CDH12: variants seen among roughly 807,000 people sequenced by gnomAD.
The protein encoded by CDH12 is cadherin 12.
Under a neutral mutation model 74.1 loss-of-function variants are expected in CDH12, and 41 were observed. The observed-to-expected ratio is 0.55, with a 90% CI of 0.43 to 0.72. The LOEUF is 0.72. Ranked by LOEUF, CDH12 falls within the 30% of genes least tolerant of loss-of-function variation. CDH12 has a pLI of 0.00. For synonymous variants in CDH12, 399 were observed against 355.0 expected (o/e 1.12, Z -1.39); for missense variants, 945 against 977.2 (o/e 0.97, Z 0.44).
chr5:22,450,589 T>C (rs1745003852), intron 2 of CDH12, among the ~76,000 whole-genome samples: 1 of 151,956 alleles, frequency 6.6e-6, no homozygotes, highest in Admixed American at 6.6e-5. Context: ...ATCTTGCACT[T>C]GGACTACTAC....
At chr5:22,795,574 T>G (rs1217990127) in intron 1 of CDH12, among the ~76,000 whole-genome samples, 1 of 149,216 alleles carries the variant, frequency 6.7e-6, no homozygotes, top group Non-Finnish European at 1.5e-5. Flanking sequence ...TACACATATA[T>G]AATATATACA....
chr5:22,337,423 C>T (rs187959709), intron 3 of CDH12, among the ~76,000 whole-genome samples: 192 of 152,256 alleles, frequency 1.3e-3, no homozygotes, highest in African/African-American at 3.9e-3. Context: ...CAAATCTCAT[C>T]TTATAGCTCC....
At chr5:22,409,886 T>C (rs2126469857) in intron 2 of CDH12, among the ~76,000 whole-genome samples, 1 of 152,170 alleles carries the variant, frequency 6.6e-6, no homozygotes, top group Admixed American at 6.6e-5. Context: ...TCTGGATCAA[T>C]TAGTGTTATT....
intron 1 of CDH12, among the ~76,000 whole-genome samples, chr5:22,676,912 G>A (rs538720648): frequency 1.3e-5 from 2 of 152,110 alleles, no homozygotes; most frequent in Admixed American, 6.6e-5. Flanking sequence ...CTCATTGAGA[G>A]ACTAGACTGC....
chr5:22,124,316 G>A (rs1197707538), intron 4 of CDH12, among the ~76,000 whole-genome samples: 1 of 152,062 alleles, frequency 6.6e-6, no homozygotes, highest in East Asian at 1.9e-4. Flanking sequence ...GTGGAAACAC[G>A]GTTTCAGCGT....
intron 1 of CDH12, among the ~76,000 whole-genome samples, chr5:22,530,059 T>G (rs557334963): frequency 1.5e-4 from 23 of 152,306 alleles, no homozygotes; most frequent in African/African-American, 5.5e-4. Flanking sequence ...AATTTTAAAT[T>G]TTTTCATTCC....
intron 6 of CDH12, among the ~76,000 whole-genome samples, chr5:21,973,999 T>G (rs1451234858): frequency 5.3e-5 from 8 of 151,744 alleles, no homozygotes; most frequent in African/African-American, 1.9e-4. Flanking sequence ...ATTTCTTAGG[T>G]CAAGGAGAGA....
intron 4 of CDH12, among the ~76,000 whole-genome samples, chr5:22,154,592 C>CAT (rs369274295): frequency 3.3e-4 from 49 of 148,810 alleles, no homozygotes; most frequent in African/African-American, 9.0e-4. Context: ...TATGTGTACA[C>CAT]ATATATATAC....
rs566348704 is a variant in CDH12, at chr5:22,105,544, A to G, written c.-186-26682T>C. Reference sequence around the variant, plus strand: ...GAAACCCTGTCTCTACTAAAAATACAAAACTTAGCCAGGTGTGGTGTTCTG... The same window carrying G: ...GAAACCCTGTCTCTACTAAAAATACGAAACTTAGCCAGGTGTGGTGTTCTG... On this transcript the variant is annotated intron_variant, in intron 4 of 14. Transcript: ENST00000382254. Among the ~76,000 whole-genome samples the G allele has an allele frequency of 2.0e-5, 3 of 151,646 alleles. No individual in the cohort carries two copies. The South Asian group carries it at 6.3e-4, about 32-fold the overall frequency.
At chr5:21,980,945 C>T (rs956369079) in intron 5 of CDH12, among the ~76,000 whole-genome samples, 4 of 152,058 alleles carry the variant, frequency 2.6e-5, no homozygotes, top group South Asian at 2.1e-4. Flanking sequence ...AATTAAATTG[C>T]TAAATATCAT....
chr5:21,880,081 T>C (rs898768970), intron 6 of CDH12, among the ~76,000 whole-genome samples: 8 of 152,220 alleles, frequency 5.3e-5, no homozygotes, highest in Non-Finnish European at 8.8e-5. Flanking sequence ...CCACAATGCT[T>C]GCTGGGACTC....
chr5:21,991,517 G>A (rs1757749573), intron 5 of CDH12, among the ~76,000 whole-genome samples: 1 of 1,800 alleles, frequency 5.6e-4, no homozygotes, highest in Admixed American at 6.1e-3. Context: ...ATATATGTTT[G>A]TTATATATAT....
chr5:22,086,325 ATATT>A (rs891053640), intron 4 of CDH12, among the ~76,000 whole-genome samples: 4 of 150,806 alleles, frequency 2.7e-5, no homozygotes, highest in Non-Finnish European at 4.4e-5. Context: ...TTTTATTTAT[ATATT>A]TATTTATTTA....
Position 21,802,245 on chromosome 5 carries a change from A to T in CDH12, c.1178T>A (p.Val393Asp). ...GGTCCCTACCGGAGTGTCTTCATAA[A>T]CCTCCATGGTGTAGAGCGGCTTGCT... ...VFSKPLYTME[V>D]YEDTPVGTII... The change falls in exon 10 of 15, where the codon GTT (valine) becomes GAT (aspartate). Residue 393 changes from valine to aspartate, a missense_variant. Around this residue, in one of 3 missense-constraint regions of CDH12, gnomAD observed 791 missense variants for 792.8 expected, o/e 1.00. Coordinates refer to ENST00000382254, the MANE Select transcript of CDH12 (RefSeq NM_004061.5). 1 of 1,613,712 alleles carries T rather than the reference A, an allele frequency of 6.2e-7. No homozygotes were observed. The highest frequency in any genetic ancestry group is 8.5e-7 in the Non-Finnish European group (1 of 1,179,890).
At chr5:22,700,342 T>G (rs752179264) in intron 1 of CDH12, among the ~76,000 whole-genome samples, 1 of 152,200 alleles carries the variant, frequency 6.6e-6, no homozygotes, top group Non-Finnish European at 1.5e-5. Context: ...GAACATCTTC[T>G]GTCACATCCT....
intron 11 of CDH12, among the ~76,000 whole-genome samples, chr5:21,776,310 A>C (rs1307965292): frequency 1.3e-5 from 2 of 152,190 alleles, no homozygotes; most frequent in African/African-American, 4.8e-5. Flanking sequence ...TTAGAGAACA[A>C]AGATTCACCA....
intron 5 of CDH12, among the ~76,000 whole-genome samples, chr5:22,057,998 A>ATTCT (rs1195333736): frequency 9.3e-5 from 12 of 129,664 alleles, no homozygotes; most frequent in East Asian, 4.7e-4. Context: ...TTTTCCTTGT[A>ATTCT]TTCTATCTAT....
intron 1 of CDH12, among the ~76,000 whole-genome samples, chr5:22,845,281 G>A (rs1010173511): frequency 3.9e-5 from 6 of 152,172 alleles, no homozygotes; most frequent in Middle Eastern, 3.4e-3. Flanking sequence ...CTAATGATTA[G>A]TACATTTATA....
chr5:22,328,359 G>A (rs1444122), intron 3 of CDH12, among the ~76,000 whole-genome samples: 4,928 of 152,228 alleles, frequency 0.032, 261 homozygotes, highest in African/African-American at 0.11. Context: ...TATAAAGGAG[G>A]TGCTTAGGTT....
Sources: gnomAD v4.1 joint callset for allele counts (sites outside exome capture counted in the v4.1 genomes callset) on GRCh38, gnomAD v4.1.1 for gene constraint, gnomAD v4.1.1 regional missense constraint, MANE v1.5 for transcripts, NCBI Gene and HGNC (gene_info 2026-07-23, HGNC 2026-07-21) for gene names.